The following MALRD1 variants were observed in gnomAD, a reference collection of about 807,000 sequenced individuals.
MALRD1 encodes the protein MAM and LDL receptor class A domain containing 1, also known as MAM and LDL-receptor class A domain-containing protein 1.
In MALRD1, 247 loss-of-function variants were observed where a neutral mutation model predicts 242.1. The observed-to-expected ratio is 1.02, with a 90% CI of 0.92 to 1.13. The LOEUF (loss-of-function observed/expected upper bound fraction) is 1.13. MALRD1 is among the 50% of genes most tolerant of loss of function. The pLI is 0.00. For missense variants in MALRD1, 2,989 were observed against 2,533.1 expected (o/e 1.18, Z -3.86); for synonymous variants, 995 against 866.6 (o/e 1.15, Z -2.60).
At chr10:19,388,004 A>C (rs1454851938) in intron 27 of MALRD1, among the ~76,000 whole-genome samples, 6 of 152,164 alleles carry the variant, frequency 3.9e-5, no homozygotes, top group Non-Finnish European at 2.9e-5. Flanking sequence ...CTGGAAGTTC[A>C]AGATCAAGAT....
chr10:19,285,312 C>T (rs1336717345), intron 21 of MALRD1, among the ~76,000 whole-genome samples: 1 of 138,948 alleles, frequency 7.2e-6, no homozygotes, highest in Non-Finnish European at 1.6e-5. Context: ...GTGTTTTGGA[C>T]ATGAAGTCCT....
At chr10:19,133,014 C>G (rs939232111) in intron 8 of MALRD1, among the ~76,000 whole-genome samples, 8 of 152,126 alleles carry the variant, frequency 5.3e-5, no homozygotes. Flanking sequence ...TCTTGGCTCA[C>G]TGCAACCTGC....
At chr10:19,065,287 CAAAAAAAAAAA>C (rs1197670439) in intron 1 of MALRD1, among the ~76,000 whole-genome samples, 1 of 50,632 alleles carries the variant, frequency 2.0e-5, no homozygotes, top group South Asian at 1.1e-3. Context: ...AACGCTGTCT[CAAAAAAAAAAA>C]AAAAAAAAAA....
At chr10:19,136,817 T>C (rs1194491764) in intron 10 of MALRD1, 36 bp downstream of exon 10, 1 of 1,195,488 alleles carries the variant, frequency 8.4e-7, no homozygotes, top group African/African-American at 1.6e-5. Context: ...TTACATGCTC[T>C]AATTCAAGAC....
chr10:19,402,098 C>T lies in MALRD1; in HGVS notation c.4845+12489C>T, dbSNP rs117054412. ...TGGGGGCAATATTGGCCCCTCTTAACAATGCATGTTATACCCTCTACTTTT... is the reference window on the plus strand; with the variant it reads ...TGGGGGCAATATTGGCCCCTCTTAATAATGCATGTTATACCCTCTACTTTT... On this transcript the variant is annotated intron_variant, in intron 28 of 39. Coordinates refer to ENST00000454679, the MANE Select transcript of MALRD1 (RefSeq NM_001142308.3). 8.1e-3 allele frequency among the ~76,000 whole-genome samples: 1,241 copies of T among 152,286 alleles called. 17 individuals are homozygous for T. The highest frequency in any genetic ancestry group is 0.013 in the Non-Finnish European group (893 of 68,012).
At position 19,263,209 on chromosome 10, in the gene MALRD1, C is replaced by T. The variant is rs549995526; in HGVS notation, c.3079+5438C>T. Among the ~76,000 whole-genome samples, 10 of 152,248 alleles carry T rather than the reference C, an allele frequency of 6.6e-5. No homozygotes were observed. In the East Asian group the frequency reaches 1.9e-3, roughly 29 times the overall value. ...ATAGTTACATTTTAAATTTTTTGAG[C>T]AACCTCCATACTGTTTTTCATAATG... On this transcript the variant is annotated intron_variant, in intron 19 of 39. Coordinates refer to ENST00000454679, the MANE Select transcript of MALRD1 (RefSeq NM_001142308.3).
intron 28 of MALRD1, among the ~76,000 whole-genome samples, chr10:19,396,505 A>G (rs1846586085): frequency 6.6e-6 from 1 of 152,292 alleles, no homozygotes; most frequent in Non-Finnish European, 1.5e-5. Context: ...ATAAGATGGC[A>G]AGGAAGATAC....
chr10:19,084,622 G>C (rs1023327315), intron 2 of MALRD1, among the ~76,000 whole-genome samples: 1 of 151,882 alleles, frequency 6.6e-6, no homozygotes, highest in African/African-American at 2.4e-5. Flanking sequence ...AAGTGAGACC[G>C]AAAATTCTAC....
chr10:19,324,383 G>C (rs1159854944), intron 22 of MALRD1, among the ~76,000 whole-genome samples: 1 of 152,224 alleles, frequency 6.6e-6, no homozygotes, highest in East Asian at 1.9e-4. Context: ...GCAGGTATCA[G>C]TATCAGTGTT....
intron 14 of MALRD1, among the ~76,000 whole-genome samples, chr10:19,193,986 G>A (rs1015403685): frequency 6.6e-6 from 1 of 151,662 alleles, no homozygotes; most frequent in African/African-American, 2.4e-5. Context: ...GGTCTTTTAC[G>A]AATCATACAT....
intron 13 of MALRD1, among the ~76,000 whole-genome samples, chr10:19,171,116 A>T (rs1834902458): frequency 6.6e-6 from 1 of 152,020 alleles, no homozygotes; most frequent in South Asian, 2.1e-4. Flanking sequence ...TCACTTGATT[A>T]TGAACATTTA....
chr10:19,486,500 A>G (rs961779227), intron 29 of MALRD1, among the ~76,000 whole-genome samples: 9 of 152,148 alleles, frequency 5.9e-5, no homozygotes, highest in African/African-American at 1.2e-4. Context: ...GCAGCCTTAG[A>G]AACCCTAATT....
chr10:19,626,628 T>C (rs1839664404), intron 36 of MALRD1, among the ~76,000 whole-genome samples: 1 of 151,798 alleles, frequency 6.6e-6, no homozygotes, highest in Non-Finnish European at 1.5e-5. Flanking sequence ...ATTATTATAA[T>C]ATATAGAGGC....
chr10:19,295,097 C>T (rs951357087), intron 21 of MALRD1, among the ~76,000 whole-genome samples: 1 of 151,962 alleles, frequency 6.6e-6, no homozygotes, highest in Non-Finnish European at 1.5e-5. Context: ...TGGTGATAAA[C>T]AATTTTAATC....
intron 38 of MALRD1, among the ~76,000 whole-genome samples, chr10:19,729,718 A>ATTTTTTG (rs1347221983): frequency 1.0e-5 from 1 of 98,976 alleles, no homozygotes; most frequent in Non-Finnish European, 2.0e-5. Context: ...AAGTCTATTA[A>ATTTTTTG]TTCTTTTTTT....
chr10:19,087,869 G>C lies in MALRD1; in HGVS notation c.370G>C (p.Asp124His). 1 of 1,233,056 alleles carries C rather than the reference G, an allele frequency of 8.1e-7. No individual in the cohort carries two copies. Among genetic ancestry groups the C allele is most frequent in the Non-Finnish European group, 1.0e-6 (1 of 987,722 alleles). The allele number at this position is 1,233,056 out of a possible 1,614,324, so 76.4% of individuals were successfully genotyped here. A position where few individuals can be genotyped will look rare whatever the true frequency, so the allele number is the denominator to read the frequency against. ...CTTCCTCTCACTGGTTTCCAGAGTG[G>C]ATTCTATTTCCTCAAGTTTAAGAAG... ...AHFLSLVSRV[D>H]SISSSLRSRV... Residue 124 changes from aspartate (D) to histidine (H), a missense_variant, in exon 3 of 40, where the codon GAT becomes CAT. Transcript: ENST00000454679.
chr10:19,598,668 A>G (rs1176252009), intron 34 of MALRD1, among the ~76,000 whole-genome samples: 2 of 152,078 alleles, frequency 1.3e-5, no homozygotes, highest in Non-Finnish European at 2.9e-5. Context: ...TTGGAAGTGT[A>G]TATATAAAGC....
chr10:19,667,481 T>G lies in MALRD1; in HGVS notation c.6138-24801T>G, dbSNP rs149701186. 5.2e-4 allele frequency among the ~76,000 whole-genome samples: 79 copies of G among 152,220 alleles called. 2 individuals are homozygous for G. Among genetic ancestry groups the G allele is most frequent in the African/African-American group, 1.8e-3 (74 of 41,538 alleles). ...AATCTCCAATGCTAGAGTTGGGGCCTGGTGGGAGGTGTTTGGGTCATGGGG... is the reference window on the plus strand; with the variant it reads ...AATCTCCAATGCTAGAGTTGGGGCCGGGTGGGAGGTGTTTGGGTCATGGGG... On this transcript the variant is annotated intron_variant, in intron 36 of 39. Coordinates refer to ENST00000454679, the MANE Select transcript of MALRD1 (RefSeq NM_001142308.3).
Position 19,397,747 on chromosome 10 carries a change from T to A in MALRD1, c.4845+8138T>A, listed in dbSNP as rs562797431. On this transcript the variant is annotated intron_variant, in intron 28 of 39. Transcript: ENST00000454679. ...GTTACTGGGTGTATAACACTTGTTA[T>A]ACTATTTTTGCTTTTGTTGTCTGTG... is the stretch of plus-strand genomic sequence containing the variant. 3.9e-5 allele frequency among the ~76,000 whole-genome samples: 6 copies of A among 152,278 alleles called. No homozygotes were observed. In the South Asian group the frequency reaches 1.2e-3, roughly 32 times the overall value.
Sources: gnomAD v4.1 joint callset for allele counts (sites outside exome capture counted in the v4.1 genomes callset) on GRCh38, gnomAD v4.1.1 for gene constraint, MANE v1.5 for transcripts, NCBI Gene and HGNC (gene_info 2026-07-23, HGNC 2026-07-21) for gene names.